DLG2: variants seen among roughly 807,000 people sequenced by gnomAD.
DLG2 encodes discs large MAGUK scaffold protein 2.
A neutral mutation model predicts 132.5 loss-of-function variants in DLG2; 45 were observed. The ratio of observed to expected loss-of-function variants is 0.34; its 90% confidence interval spans 0.27 to 0.44. The LOEUF (loss-of-function observed/expected upper bound fraction) is 0.44. DLG2 is among the 20% of genes least tolerant of loss of function. The pLI, the probability that DLG2 is intolerant of heterozygous loss-of-function variation, is 1.00. For missense variants in DLG2, 1,045 were observed against 1,196.9 expected (o/e 0.87, Z 1.87); for synonymous variants, 424 against 419.6 (o/e 1.01, Z -0.13).
At chr11:84,737,403 G>T (rs2063979958) in intron 6 of DLG2, among the ~76,000 whole-genome samples, 1 of 151,824 alleles carries the variant, frequency 6.6e-6, no homozygotes, top group African/African-American at 2.4e-5. Context: ...GATATTTTAG[G>T]AATGATTTGC....
chr11:85,392,639 C>T (rs774124773), intron 3 of DLG2, among the ~76,000 whole-genome samples: 1 of 152,030 alleles, frequency 6.6e-6, no homozygotes, highest in African/African-American at 2.4e-5. Flanking sequence ...ACCAATGGAA[C>T]ACAATAGAGA....
chr11:83,798,756 A>G (rs6592143), intron 17 of DLG2, among the ~76,000 whole-genome samples: 100,304 of 152,038 alleles, frequency 0.66, 33,554 homozygotes, highest in Middle Eastern at 0.83. Context: ...GAGACCATGG[A>G]TAGGAAGATG....
At chr11:84,741,136 C>G (rs539120505) in intron 6 of DLG2, among the ~76,000 whole-genome samples, 1 of 144,022 alleles carries the variant, frequency 6.9e-6, no homozygotes, top group Non-Finnish European at 1.5e-5. Context: ...GCGCGATCTC[C>G]GCTCACTGCA....
At chr11:84,306,678 T>C (rs556914133) in intron 7 of DLG2, among the ~76,000 whole-genome samples, 7 of 152,280 alleles carry the variant, frequency 4.6e-5, no homozygotes, top group African/African-American at 1.4e-4. Context: ...CATGGGGCAA[T>C]TATTTGTGGG....
At chr11:84,351,127 G>GA (rs142032512) in intron 7 of DLG2, among the ~76,000 whole-genome samples, 7,800 of 150,568 alleles carry the variant, frequency 0.052, 674 homozygotes, top group African/African-American at 0.18. Flanking sequence ...TTCTCCAGAT[G>GA]AAAAAAAAAG....
chr11:83,525,094 T>C (rs1485993073), intron 21 of DLG2, among the ~76,000 whole-genome samples: 1 of 152,206 alleles, frequency 6.6e-6, no homozygotes, highest in Non-Finnish European at 1.5e-5. Flanking sequence ...AGTTTCGTCA[T>C]CAGCAACTTG....
At chr11:84,863,499 T>C (rs1412359688) in intron 6 of DLG2, among the ~76,000 whole-genome samples, 3 of 152,194 alleles carry the variant, frequency 2.0e-5, no homozygotes, top group Non-Finnish European at 4.4e-5. Flanking sequence ...TAATTTTATT[T>C]CTTATTATTT....
intron 7 of DLG2, among the ~76,000 whole-genome samples, chr11:84,525,360 CT>C (rs2099317140): frequency 6.6e-6 from 1 of 152,122 alleles, no homozygotes; most frequent in Non-Finnish European, 1.5e-5. Flanking sequence ...CTCTGGCATT[CT>C]TGGTTTCATT....
At chr11:83,608,317 T>C (rs1306060988) in intron 19 of DLG2, among the ~76,000 whole-genome samples, 1 of 152,136 alleles carries the variant, frequency 6.6e-6, no homozygotes, top group Non-Finnish European at 1.5e-5. Context: ...GTATTCCTCA[T>C]CTGAAATGCT....
chr11:85,553,782 A>G (rs903437741), intron 3 of DLG2, among the ~76,000 whole-genome samples: 1 of 151,576 alleles, frequency 6.6e-6, no homozygotes, highest in Admixed American at 6.6e-5. Flanking sequence ...ACAAAATTGG[A>G]GAACAAAAGT....
chr11:85,332,058 C>G (rs2081795100), intron 3 of DLG2, among the ~76,000 whole-genome samples: 1 of 152,118 alleles, frequency 6.6e-6, no homozygotes, highest in African/African-American at 2.4e-5. Flanking sequence ...TCCATGGTGG[C>G]TGAACTAATT....
chr11:83,727,554 G>C (rs1192956931), intron 18 of DLG2, among the ~76,000 whole-genome samples: 1 of 152,128 alleles, frequency 6.6e-6, no homozygotes, highest in African/African-American at 2.4e-5. Flanking sequence ...CCTTCTACTG[G>C]ACACCTCTTC....
intron 5 of DLG2, among the ~76,000 whole-genome samples, chr11:85,125,428 G>A (rs1349845805): frequency 6.6e-6 from 1 of 151,960 alleles, no homozygotes; most frequent in African/African-American, 2.4e-5. Context: ...ATTTCTAAAA[G>A]TTTAGTTTTA....
chr11:84,557,753 T>A (rs1230502242), intron 6 of DLG2, among the ~76,000 whole-genome samples: 2 of 152,152 alleles, frequency 1.3e-5, no homozygotes, highest in African/African-American at 4.8e-5. Context: ...AATCCTTGCA[T>A]GTGTTTTTTG....
At chr11:83,850,123 A>AGAGTGTGTGTGT (rs1555057218) in intron 16 of DLG2, among the ~76,000 whole-genome samples, 3 of 39,046 alleles carry the variant, frequency 7.7e-5, no homozygotes, top group African/African-American at 1.1e-4. Flanking sequence ...ATTTGGGGTA[A>AGAGTGTGTGTGT]GTGTGTGTGT....
intron 6 of DLG2, among the ~76,000 whole-genome samples, chr11:84,919,206 T>C (rs1397423521): frequency 6.6e-6 from 1 of 152,188 alleles, no homozygotes; most frequent in Non-Finnish European, 1.5e-5. Context: ...GAGTTATTAC[T>C]ATAGTCTAAG....
intron 6 of DLG2, among the ~76,000 whole-genome samples, chr11:85,103,090 C>T (rs2071138321): frequency 6.6e-6 from 1 of 151,794 alleles, no homozygotes; most frequent in South Asian, 2.1e-4. Context: ...ATTCCAAAAA[C>T]TATAAAACAT....
chr11:83,515,467 A>C (rs1218354165), intron 21 of DLG2, among the ~76,000 whole-genome samples: 1 of 152,164 alleles, frequency 6.6e-6, no homozygotes, highest in African/African-American at 2.4e-5. Flanking sequence ...ATCTTTTCAA[A>C]AAACAAGCTC....
intron 7 of DLG2, among the ~76,000 whole-genome samples, chr11:84,450,789 T>C (rs2099049325): frequency 6.6e-6 from 1 of 151,804 alleles, no homozygotes; most frequent in African/African-American, 2.4e-5. Flanking sequence ...GGTTTCCTTG[T>C]AGGGCATTCC....
Sources: gnomAD v4.1 joint callset for allele counts (sites outside exome capture counted in the v4.1 genomes callset) on GRCh38, gnomAD v4.1.1 for gene constraint, MANE v1.5 for transcripts, NCBI Gene and HGNC (gene_info 2026-07-23, HGNC 2026-07-21) for gene names.